The following TBC1D14 variants were observed in gnomAD, a reference collection of about 807,000 sequenced individuals.
TBC1D14 encodes TBC1 domain family member 14.
A neutral mutation model predicts 79.0 loss-of-function variants in TBC1D14; 26 were observed. The ratio of observed to expected loss-of-function variants is 0.33; its 90% CI spans 0.24 to 0.46. The LOEUF is 0.46. Ranked by LOEUF, TBC1D14 falls within the 20% of genes least tolerant of loss-of-function variation. The probability of loss-of-function intolerance (pLI) is 1.00; values close to 1 mark genes in which losing one functional copy is unlikely to be tolerated. For missense variants in TBC1D14, 769 were observed against 887.6 expected (o/e 0.87, Z 1.70); for synonymous variants, 394 against 349.9 (o/e 1.13, Z -1.40).
chr4:7,021,160 A>T (rs1240633735), intron 12 of TBC1D14, among the ~76,000 whole-genome samples: 1 of 152,224 alleles, frequency 6.6e-6, no homozygotes, highest in African/African-American at 2.4e-5. Flanking sequence ...CTGGCTAGGT[A>T]AGAATTTTCT....
At chr4:7,014,999 G>C (rs1577174760) in intron 12 of TBC1D14, among the ~76,000 whole-genome samples, 1 of 152,296 alleles carries the variant, frequency 6.6e-6, no homozygotes, top group Non-Finnish European at 1.5e-5. Context: ...AGAGTACATA[G>C]AGCGAAGGTG....
chr4:6,978,359 G>A (rs1212554615), intron 3 of TBC1D14, among the ~76,000 whole-genome samples: 10 of 148,976 alleles, frequency 6.7e-5, no homozygotes, highest in Middle Eastern at 3.4e-3. Context: ...TGTAGAAAGA[G>A]GTAGACATGG....
chr4:6,977,854 G>C (rs1351979116), intron 3 of TBC1D14, among the ~76,000 whole-genome samples: 1 of 149,796 alleles, frequency 6.7e-6, no homozygotes, highest in Non-Finnish European at 1.5e-5. Context: ...CTGCCCGGCC[G>C]CCCATCGTCT....
intron 2 of TBC1D14, chr4:6,954,466 G>C (rs1714434890): frequency 2.9e-6 from 2 of 700,156 alleles, no homozygotes; most frequent in East Asian, 2.7e-5. Flanking sequence ...TGTTTCTGTG[G>C]GTCTCCCCCG....
At chr4:6,998,348 A>G (rs974982622) in intron 5 of TBC1D14, among the ~76,000 whole-genome samples, 9 of 151,214 alleles carry the variant, frequency 6.0e-5, no homozygotes, top group Non-Finnish European at 8.8e-5. Context: ...TGACAGAGCA[A>G]AACTCCGTCT....
At chr4:6,992,790 G>GA (rs2109148595) in intron 3 of TBC1D14, among the ~76,000 whole-genome samples, 1 of 152,356 alleles carries the variant, frequency 6.6e-6, no homozygotes, top group Admixed American at 6.5e-5. Flanking sequence ...ACCCCATACA[G>GA]TGTAGATGTT....
intron 3 of TBC1D14, among the ~76,000 whole-genome samples, chr4:6,985,442 TGAG>T (rs1303986842): frequency 2.6e-5 from 4 of 152,234 alleles, no homozygotes; most frequent in Admixed American, 2.6e-4. Flanking sequence ...TTTTACGCCT[TGAG>T]GAGACCAGTA....
chr4:7,022,159 C>T (rs1039592900), intron 12 of TBC1D14, among the ~76,000 whole-genome samples: 5 of 152,240 alleles, frequency 3.3e-5, no homozygotes, highest in African/African-American at 1.2e-4. Context: ...GACTGTGGGG[C>T]GGGGTCTCTG....
chr4:7,028,540 C>T lies in TBC1D14; in HGVS notation c.2017-1787C>T, dbSNP rs138192153. Among the ~76,000 whole-genome samples the T allele has an allele frequency of 5.6e-3, 853 of 151,960 alleles. 5 individuals are homozygous for T. Among genetic ancestry groups the T allele is most frequent in the Middle Eastern group, 0.017 (5 of 294 alleles). ...CTCCCGGGTTCAAGCGATTCTCTTG[C>T]CTCAGCCTCCCGAGTAGCTGGGATT... On this transcript the variant is annotated intron_variant, in intron 13 of 13. Transcript: ENST00000409757.
intron 3 of TBC1D14, among the ~76,000 whole-genome samples, chr4:6,971,448 C>T (rs1716222514): frequency 6.6e-6 from 1 of 152,208 alleles, no homozygotes; most frequent in South Asian, 2.1e-4. Context: ...AACTGGGCTG[C>T]ATTCTTTTGG....
At chr4:7,006,275 A>ATGTGTG (rs558201839) in intron 8 of TBC1D14, among the ~76,000 whole-genome samples, 3,158 of 151,224 alleles carry the variant, frequency 0.021, 34 homozygotes, top group Middle Eastern at 0.037. Flanking sequence ...GCAGTGATAT[A>ATGTGTG]TGTGTGTGTG....
chr4:7,029,497 G>A (rs978076751), intron 13 of TBC1D14, among the ~76,000 whole-genome samples: 1 of 152,260 alleles, frequency 6.6e-6, no homozygotes, highest in Admixed American at 6.5e-5. Context: ...GAGCCTGTTA[G>A]TGTTGCTGCA....
chr4:7,015,138 C>G (rs990990057), intron 12 of TBC1D14, among the ~76,000 whole-genome samples: 2 of 151,936 alleles, frequency 1.3e-5, no homozygotes, highest in Non-Finnish European at 2.9e-5. Context: ...GCTCTTAGAC[C>G]CAAGCTCTGG....
At chr4:6,949,246 C>T (rs1369625449) in intron 2 of TBC1D14, among the ~76,000 whole-genome samples, 4 of 152,196 alleles carry the variant, frequency 2.6e-5, no homozygotes, top group East Asian at 3.9e-4. Flanking sequence ...CTATTTTGTT[C>T]TGGAAGGTTG....
At chr4:7,009,003 G>C (rs1041533268) in intron 9 of TBC1D14, among the ~76,000 whole-genome samples, 1 of 152,140 alleles carries the variant, frequency 6.6e-6, no homozygotes, top group Non-Finnish European at 1.5e-5. Flanking sequence ...TTGTCCCTCT[G>C]TGATTTGGAA....
intron 2 of TBC1D14, among the ~76,000 whole-genome samples, chr4:6,960,888 G>A (rs1213494216): frequency 6.6e-6 from 1 of 152,218 alleles, no homozygotes; most frequent in Non-Finnish European, 1.5e-5. Context: ...GAGGCCGAGA[G>A]AGGCCAGAAT....
chr4:6,954,321 G>T, intron 2 of TBC1D14: 1 of 717,492 alleles, frequency 1.4e-6, no homozygotes, highest in Non-Finnish European at 2.6e-6. Flanking sequence ...TCTCCCCTGC[G>T]CTCCTGTTCA....
At chr4:6,987,734 A>C (rs1038416830) in intron 3 of TBC1D14, among the ~76,000 whole-genome samples, 2 of 152,164 alleles carry the variant, frequency 1.3e-5, no homozygotes, top group African/African-American at 4.8e-5. Context: ...CTGCGATCCG[A>C]TGAGCCTTTG....
At chr4:6,992,226 G>T (rs1718571231) in intron 3 of TBC1D14, among the ~76,000 whole-genome samples, 1 of 152,240 alleles carries the variant, frequency 6.6e-6, no homozygotes, top group Non-Finnish European at 1.5e-5. Flanking sequence ...ACAGCTGGTG[G>T]TTGGTGGATC....
Sources: gnomAD v4.1 joint callset for allele counts (sites outside exome capture counted in the v4.1 genomes callset) on GRCh38, gnomAD v4.1.1 for gene constraint, MANE v1.5 for transcripts, NCBI Gene and HGNC (gene_info 2026-07-23, HGNC 2026-07-21) for gene names.